EML1: variants seen among roughly 807,000 people sequenced by gnomAD.
EML1 encodes the protein echinoderm microtubule-associated protein-like 1.
A neutral mutation model predicts 110.4 loss-of-function variants in EML1; 27 were observed. The ratio of observed to expected loss-of-function variants is 0.24; its 90% CI spans 0.18 to 0.34. EML1 has a LOEUF of 0.34. Among genes scored for constraint, EML1 ranks in the 10% least tolerant of loss-of-function variants. EML1 has a pLI of 1.00. For missense variants in EML1, 741 were observed against 1,030.9 expected, an observed-to-expected ratio of 0.72 and a Z score of 3.85; for synonymous variants, 344 against 385.8, an observed-to-expected ratio of 0.89 and a Z score of 1.27.
intron 1 of EML1, among the ~76,000 whole-genome samples, chr14:99,806,783 G>A (rs2057984362): frequency 6.6e-6 from 1 of 152,122 alleles, no homozygotes. Flanking sequence ...AGCCAAGAAG[G>A]GTGACAAGTG....
intron 2 of EML1, among the ~76,000 whole-genome samples, chr14:99,863,659 G>A (rs543785050): frequency 2.0e-5 from 3 of 152,198 alleles, no homozygotes. Flanking sequence ...TTCAGATGTG[G>A]TTTGCTTCAT....
intron 1 of EML1, among the ~76,000 whole-genome samples, chr14:99,775,662 T>C (rs1425455759): frequency 3.9e-5 from 6 of 152,144 alleles, no homozygotes; most frequent in South Asian, 4.1e-4. Context: ...AGTGATTGCA[T>C]TGGAGTTGCG....
chr14:99,904,666 C>A (rs8013762), intron 9 of EML1, among the ~76,000 whole-genome samples: 1 of 151,960 alleles, frequency 6.6e-6, no homozygotes, highest in African/African-American at 2.4e-5. Context: ...GGAATTGAAC[C>A]CTGATCCCAG....
chr14:99,737,938 C>T (rs1595219525), intron 1 of EML1: 5 of 1,255,536 alleles, frequency 4.0e-6, no homozygotes, highest in African/African-American at 1.5e-5. Flanking sequence ...GGCACTGGGG[C>T]CCCCGCAGGC....
chr14:99,825,669 T>G (rs1429885437), intron 1 of EML1, among the ~76,000 whole-genome samples: 1 of 152,226 alleles, frequency 6.6e-6, no homozygotes, highest in Non-Finnish European at 1.5e-5. Flanking sequence ...GGAACTGTTA[T>G]TGTCAGCACC....
chr14:99,857,934 C>G (rs946506931), intron 2 of EML1, among the ~76,000 whole-genome samples: 32 of 152,262 alleles, frequency 2.1e-4, no homozygotes, highest in African/African-American at 7.2e-4. Flanking sequence ...CACTCCTAGA[C>G]CCATGCCTAA....
chr14:99,878,904 C>G (rs898204491), intron 4 of EML1, among the ~76,000 whole-genome samples: 1 of 152,184 alleles, frequency 6.6e-6, no homozygotes, highest in Non-Finnish European at 1.5e-5. Flanking sequence ...TACCAAGTAC[C>G]TAGAACTGGG....
chr14:99,775,784 T>A (rs2057475337), intron 1 of EML1, among the ~76,000 whole-genome samples: 1 of 152,230 alleles, frequency 6.6e-6, no homozygotes, highest in African/African-American at 2.4e-5. Flanking sequence ...AAGATATGCA[T>A]ATAACTTATT....
At chr14:99,904,435 T>C (rs1357439214) in intron 9 of EML1, among the ~76,000 whole-genome samples, 1 of 152,246 alleles carries the variant, frequency 6.6e-6, no homozygotes, top group African/African-American at 2.4e-5. Flanking sequence ...CATTTCACTT[T>C]CTTTATACAC....
At chr14:99,785,169 C>T (rs567085162) in intron 1 of EML1, among the ~76,000 whole-genome samples, 1 of 152,222 alleles carries the variant, frequency 6.6e-6, no homozygotes, top group South Asian at 2.1e-4. Flanking sequence ...ATTCTCCTGC[C>T]TCAGTCTCCC....
rs1382239875 is a variant in EML1, at chr14:99,914,272, ACT to A, written c.1591_1592del (p.Leu531ValfsTer13). Reference sequence around the variant, plus strand: ...AACTCGAAACTTTGTCCTGCAGGGCACTCTGTCAGGGGACTTCACACCCATTA... The same window carrying A: ...AACTCGAAACTTTGTCCTGCAGGGCACTGTCAGGGGACTTCACACCCATTA... ...GTTRNFVLQG[T>X]LSGDFTPITQ... On this transcript the variant is annotated frameshift_variant, in exon 14 of 22. Coordinates refer to ENST00000262233, the MANE Select transcript of EML1 (RefSeq NM_004434.3). LOFTEE classifies it high-confidence loss of function. 1.2e-6 allele frequency: 2 copies of A among 1,613,522 alleles called. No homozygotes were observed. Among genetic ancestry groups the A allele is most frequent in the Admixed American group, 1.7e-5 (1 of 59,966 alleles).
At chr14:99,898,769 A>G (rs1453662103) in intron 8 of EML1, among the ~76,000 whole-genome samples, 7 of 148,994 alleles carry the variant, frequency 4.7e-5, no homozygotes, top group Non-Finnish European at 1.0e-4. Flanking sequence ...AAAAAAAAAA[A>G]TACTGACTGT....
chr14:99,924,739 C>T (rs1274299745), intron 17 of EML1, among the ~76,000 whole-genome samples: 7 of 152,160 alleles, frequency 4.6e-5, no homozygotes, highest in Admixed American at 6.5e-5. Context: ...TGCCCTTTAT[C>T]ATAGTGAGAA....
rs977039395 is a variant in EML1, at chr14:99,755,933, G to A, written c.28+18073G>A. On this transcript the variant is annotated intron_variant, in intron 1 of 10. Transcript: ENST00000554479. ...GGGCTACTTCACAGGCGAGGAACCC[G>A]AGGCTTAGATAAGCTCAAGGAACCC... is the stretch of plus-strand genomic sequence containing the variant. Among the ~76,000 whole-genome samples, 4 of 152,272 alleles carry A rather than the reference G, an allele frequency of 2.6e-5. No individual in the cohort carries two copies. In the East Asian group the frequency reaches 5.8e-4, roughly 22 times the overall value.
intron 1 of EML1, among the ~76,000 whole-genome samples, chr14:99,811,332 C>CTTCCTCCTCTGCAGGGTTGCAG (rs2058075885): frequency 6.6e-6 from 1 of 151,872 alleles, no homozygotes. Context: ...AGGTTCGAGC[C>CTTCCTCCTCTGCAGGGTTGCAG]ACTGTGCCTT....
chr14:99,914,798 A>G, intron 15 of EML1, 101 bp downstream of exon 15: 1 of 1,430,734 alleles, frequency 7.0e-7, no homozygotes, highest in Non-Finnish European at 9.3e-7. Flanking sequence ...AAGTTGTCCC[A>G]AAGCAAATGT....
chr14:99,858,009 G>A (rs565287183), intron 2 of EML1, among the ~76,000 whole-genome samples: 9 of 152,148 alleles, frequency 5.9e-5, no homozygotes, highest in Admixed American at 1.3e-4. Flanking sequence ...TGATAATTTC[G>A]AAACCTTTTT....
At chr14:99,933,892 C>G (rs911483390) in intron 17 of EML1, among the ~76,000 whole-genome samples, 1 of 152,112 alleles carries the variant, frequency 6.6e-6, no homozygotes, top group Non-Finnish European at 1.5e-5. Context: ...GTCAGGAGAT[C>G]GAGACCATCC....
At chr14:99,875,254 C>T (rs1197200658) in intron 3 of EML1, among the ~76,000 whole-genome samples, 1 of 152,206 alleles carries the variant, frequency 6.6e-6, no homozygotes, top group Non-Finnish European at 1.5e-5. Context: ...TCACCAGCCC[C>T]ACCACTTGCT....
Sources: allele counts gnomAD v4.1 joint callset (sites outside exome capture counted in the v4.1 genomes callset), GRCh38; gene constraint gnomAD v4.1.1; transcripts MANE v1.5; gene names NCBI Gene and HGNC (gene_info 2026-07-23, HGNC 2026-07-21).